Variants in MAF observed in about 807,000 individuals in gnomAD.
MAF encodes MAF bZIP transcription factor.
In MAF, 10 loss-of-function variants were observed where a neutral mutation model predicts 22.0. The ratio of observed to expected loss-of-function variants is 0.45; its 90% CI spans 0.28 to 0.77. The LOEUF is 0.77. Ranked by LOEUF, MAF falls within the 30% of genes least tolerant of loss-of-function variation. MAF has a pLI of 0.12. For missense variants in MAF, 544 were observed against 548.4 expected (o/e 0.99, Z 0.08); for synonymous variants, 337 against 255.8 (o/e 1.32, Z -3.03).
At chr16:79,595,990 C>A (rs556195056) in intron 1 of MAF, 515 of 1,060,838 alleles carry the variant, frequency 4.9e-4, no homozygotes, top group Admixed American at 1.2e-3. Context: ...TCAGGCCTTG[C>A]TAACAAGAAA....
the MAF span, among the ~76,000 whole-genome samples, chr16:79,513,320 A>G: frequency 3.3e-5 from 5 of 152,230 alleles, no homozygotes; most frequent in African/African-American, 7.2e-5. Flanking sequence ...CTGACTAGCT[A>G]TGTGGCCAAA....
At chr16:79,357,940 C>G in the MAF span, among the ~76,000 whole-genome samples, 8 of 152,208 alleles carry the variant, frequency 5.3e-5, no homozygotes, top group African/African-American at 1.7e-4. Flanking sequence ...GGACTGCCAG[C>G]AAGACACTTA....
At chr16:79,278,359 A>C in the MAF span, among the ~76,000 whole-genome samples, 1 of 152,352 alleles carries the variant, frequency 6.6e-6, no homozygotes, top group East Asian at 1.9e-4. Context: ...TTTAAAAATC[A>C]ATGCCATCTT....
the MAF span, chr16:79,212,263 C>A: frequency 7.8e-7 from 1 of 1,286,302 alleles, no homozygotes; most frequent in Non-Finnish European, 1.0e-6. Context: ...ATAATTGTTT[C>A]ATTCATCCTG....
chr16:79,568,830 T>C, the MAF span, among the ~76,000 whole-genome samples: 5 of 152,200 alleles, frequency 3.3e-5, no homozygotes, highest in African/African-American at 1.2e-4. Flanking sequence ...ATGGCAATAA[T>C]AGATCATGTT....
At chr16:79,263,021 C>T in the MAF span, among the ~76,000 whole-genome samples, 1 of 152,086 alleles carries the variant, frequency 6.6e-6, no homozygotes, top group South Asian at 2.1e-4. Context: ...GTCATTTCAC[C>T]CATAGGATGT....
the MAF span, among the ~76,000 whole-genome samples, chr16:79,312,006 G>C: frequency 3.3e-5 from 5 of 152,094 alleles, no homozygotes; most frequent in Admixed American, 6.5e-5. Flanking sequence ...TCCCCACTGG[G>C]CTGCTTGACC....
chr16:79,484,648 A>G, the MAF span, among the ~76,000 whole-genome samples: 1 of 152,172 alleles, frequency 6.6e-6, no homozygotes, highest in Admixed American at 6.5e-5. Flanking sequence ...TGGAGTTATG[A>G]TACCCCTCGT....
the MAF span, among the ~76,000 whole-genome samples, chr16:79,282,371 C>T: frequency 1.3e-5 from 2 of 152,088 alleles, no homozygotes; most frequent in African/African-American, 4.8e-5. Flanking sequence ...ACTTTGTGAT[C>T]ATAAAAACAG....
chr16:79,408,019 A>T, the MAF span, among the ~76,000 whole-genome samples: 3 of 137,178 alleles, frequency 2.2e-5, no homozygotes, highest in Admixed American at 1.7e-4. Flanking sequence ...TTACACATGA[A>T]GAGGCGGGCG....
chr16:79,456,982 T>G, the MAF span, among the ~76,000 whole-genome samples: 507 of 152,052 alleles, frequency 3.3e-3, 1 homozygote, highest in Admixed American at 6.2e-3. Context: ...TGTATTTGCT[T>G]TGGTGTGTGT....
chr16:79,374,384 T>G, the MAF span, among the ~76,000 whole-genome samples: 1 of 152,228 alleles, frequency 6.6e-6, no homozygotes, highest in Non-Finnish European at 1.5e-5. Context: ...CCAACCTCTC[T>G]GCTATTTGCT....
the MAF span, among the ~76,000 whole-genome samples, chr16:79,218,754 A>G: frequency 0.67 from 101,209 of 152,128 alleles, 34,565 homozygotes; most frequent in African/African-American, 0.72. Flanking sequence ...TGGAAATTCA[A>G]AGTGAGTCTA....
At chr16:79,431,464 A>G in the MAF span, among the ~76,000 whole-genome samples, 1 of 152,138 alleles carries the variant, frequency 6.6e-6, no homozygotes, top group African/African-American at 2.4e-5. Flanking sequence ...ACATACATAC[A>G]CTGTGCATCT....
chr16:79,268,596 G>C, the MAF span, among the ~76,000 whole-genome samples: 1 of 152,152 alleles, frequency 6.6e-6, no homozygotes, highest in Non-Finnish European at 1.5e-5. Context: ...ACATAGAGTT[G>C]TTTAAAAATT....
the MAF span, among the ~76,000 whole-genome samples, chr16:79,493,634 CAAAATG>C: frequency 1.3e-5 from 2 of 152,172 alleles, no homozygotes; most frequent in African/African-American, 2.4e-5. Context: ...GAAGTTTTCA[CAAAATG>C]AAAATCCATT....
At chr16:79,253,261 A>G in the MAF span, among the ~76,000 whole-genome samples, 1 of 152,178 alleles carries the variant, frequency 6.6e-6, no homozygotes, top group East Asian at 1.9e-4. Context: ...TCACAAAAGT[A>G]TGCCTGTTCC....
the MAF span, among the ~76,000 whole-genome samples, chr16:79,312,284 C>A: frequency 1.3e-5 from 2 of 152,216 alleles, no homozygotes; most frequent in Non-Finnish European, 2.9e-5. Context: ...ATACACAACA[C>A]AAAGGCACAC....
the MAF span, chr16:79,505,777 G>A: frequency 6.6e-6 from 1 of 152,402 alleles, no homozygotes; most frequent in Non-Finnish European, 1.5e-5. Flanking sequence ...TGGAAGGCCT[G>A]AGGCCAGGAG....
Sources: gnomAD v4.1 joint callset for allele counts (sites outside exome capture counted in the v4.1 genomes callset) on GRCh38, gnomAD v4.1.1 for gene constraint, MANE v1.5 for transcripts, NCBI Gene and HGNC (gene_info 2026-07-23, HGNC 2026-07-21) for gene names.